Variants in TMEM260 observed in about 807,000 individuals in gnomAD.
The protein encoded by TMEM260 is transmembrane protein 260, also known as protein O-mannosyl-transferase TMEM260.
TMEM260 carries 82 observed loss-of-function variants against 88.9 expected under a neutral mutation model. That is an observed-to-expected ratio of 0.92 (90% CI 0.77 to 1.11). The LOEUF (loss-of-function observed/expected upper bound fraction) is 1.11. TMEM260 is among the 50% of genes least tolerant of loss of function. The pLI is 0.00. For missense variants in TMEM260, 902 were observed against 853.4 expected (o/e 1.06, Z -0.71); for synonymous variants, 314 against 309.3 (o/e 1.02, Z -0.16).
At chr14:56,580,602 A>T (rs1056300382) in intron 1 of TMEM260, among the ~76,000 whole-genome samples, 1 of 152,080 alleles carries the variant, frequency 6.6e-6, no homozygotes, top group Non-Finnish European at 1.5e-5. Context: ...TTCAGGAAAG[A>T]CCTCTGAAGA....
chr14:56,649,067 A>G lies in TMEM260; in HGVS notation c.*1570A>G, dbSNP rs751427693. 1 of 152,714 alleles carries G rather than the reference A, an allele frequency of 6.5e-6. No homozygotes were observed. The highest frequency in any genetic ancestry group is 1.5e-5 in the Non-Finnish European group (1 of 68,090). 9.5% of individuals were successfully genotyped at this position (152,714 alleles called of 1,614,324 possible). On this transcript the variant is annotated 3_prime_UTR_variant, in exon 16 of 16. Coordinates refer to ENST00000261556, the MANE Select transcript of TMEM260 (RefSeq NM_017799.4). Reference sequence around the variant, plus strand: ...TTTGAAGATGTCCATTGGAGCCTGCAGTGCCTGGACAGGGTTCAGAGCGGA... The same window carrying G: ...TTTGAAGATGTCCATTGGAGCCTGCGGTGCCTGGACAGGGTTCAGAGCGGA...
chr14:56,613,910 A>AAAAAAAAAAAAAAAAAAAAAAAAT (rs1465604052), intron 7 of TMEM260: 12 of 144,408 alleles, frequency 8.3e-5, no homozygotes, highest in Admixed American at 6.4e-4. Context: ...AAAAAAAAAA[A>AAAAAAAAAAAAAAAAAAAAAAAAT]TTTTTTTTTT....
At chr14:56,640,694 C>A (rs1298482521) in intron 15 of TMEM260, among the ~76,000 whole-genome samples, 5 of 152,008 alleles carry the variant, frequency 3.3e-5, no homozygotes, top group Admixed American at 1.3e-4. Context: ...TCAAACTACT[C>A]CAAGCTAAAG....
At position 56,641,723 on chromosome 14, in the gene TMEM260, A is replaced by G. The variant is rs577214916; in HGVS notation, c.1869+5125A>G. 1.0e-3 allele frequency among the ~76,000 whole-genome samples: 156 copies of G among 152,354 alleles called. 1 individual carries two copies. Among genetic ancestry groups the G allele is most frequent in the Middle Eastern group, 6.8e-3 (2 of 294 alleles). On this transcript the variant is annotated intron_variant, in intron 15 of 15. Coordinates refer to ENST00000261556, the MANE Select transcript of TMEM260 (RefSeq NM_017799.4). ...CCAATTAAAAGACACAGACTGGCAA[A>G]TTGGATAAAGAGTCAAGACCCATCA...
intron 3 of TMEM260, among the ~76,000 whole-genome samples, chr14:56,592,241 A>G (rs965518697): frequency 6.6e-6 from 1 of 152,232 alleles, no homozygotes; most frequent in Non-Finnish European, 1.5e-5. Context: ...CAAATTCATT[A>G]AAGATGGAAA....
intron 12 of TMEM260, among the ~76,000 whole-genome samples, chr14:56,630,316 AC>A (rs1888506918): frequency 6.6e-6 from 1 of 152,152 alleles, no homozygotes. Flanking sequence ...AATTTTTCAT[AC>A]ATTATGTCTT....
In TMEM260 at chr14:56,585,007, T is replaced by C; in HGVS notation, c.167T>C (p.Leu56Pro). Residue 56 changes from leucine (L) to proline (P), a missense_variant, in exon 2 of 16, where the codon CTG (leucine) becomes CCG (proline). By Grantham distance (98) the Leu-to-Pro change is moderately conservative (BLOSUM62 -3). Coordinates refer to ENST00000261556, the MANE Select transcript of TMEM260 (RefSeq NM_017799.4). ...TTACATTATTTTTTCACAGGGGAAC[T>C]GATCACAGCCGCACATGAGCTTGGA... ...PSVPGGDSGE[L>P]ITAAHELGVA... 6.2e-7 allele frequency: 1 copy of C among 1,612,216 alleles called. No homozygotes were observed. The highest frequency in any genetic ancestry group is 8.5e-7 in the Non-Finnish European group (1 of 1,178,998).
At chr14:56,651,071 A>C (rs756718466), downstream of TMEM260, among the ~76,000 whole-genome samples, 4 of 152,220 alleles carry the variant, frequency 2.6e-5, no homozygotes, top group Admixed American at 2.6e-4. Context: ...TCACAAACAA[A>C]TAAGTAATGT....
At chr14:56,596,425 T>TATATATATATAC (rs1490067903) in intron 3 of TMEM260, among the ~76,000 whole-genome samples, 7 of 135,638 alleles carry the variant, frequency 5.2e-5, no homozygotes, top group African/African-American at 2.0e-4. Context: ...TATATATATA[T>TATATATATATAC]ACATACACAC....
intron 14 of TMEM260, 146 bp from the exon 15 acceptor site, chr14:56,636,362 A>G (rs1031011912): frequency 9.1e-6 from 6 of 657,818 alleles, no homozygotes; most frequent in Non-Finnish European, 1.6e-5. Flanking sequence ...TTCAGAGCAA[A>G]TGTCCATGAA....
intron 15 of TMEM260, among the ~76,000 whole-genome samples, chr14:56,642,328 C>T (rs1418065483): frequency 1.3e-5 from 2 of 152,122 alleles, no homozygotes; most frequent in African/African-American, 4.8e-5. Flanking sequence ...ACAGTGCAAT[C>T]AAACTAGAAC....
intron 15 of TMEM260, chr14:56,638,114 G>C (rs1889258865): frequency 6.9e-6 from 1 of 144,322 alleles, no homozygotes; most frequent in Admixed American, 6.9e-5. Flanking sequence ...AAGAGAGGGA[G>C]GGGAGAGCAG....
intron 15 of TMEM260, among the ~76,000 whole-genome samples, chr14:56,639,581 G>C (rs564804555): frequency 2.0e-5 from 3 of 152,202 alleles, no homozygotes; most frequent in Non-Finnish European, 4.4e-5. Context: ...CAACGCAGAA[G>C]ACGGGTGATT....
intron 1 of TMEM260, 107 bp from the exon 2 acceptor site, chr14:56,584,894 C>A: frequency 2.4e-6 from 2 of 822,872 alleles, no homozygotes; most frequent in Non-Finnish European, 4.0e-6. Context: ...ACAGTTTTAT[C>A]CAGTCAAATT....
chr14:56,641,801 A>G (rs900398797), intron 15 of TMEM260, among the ~76,000 whole-genome samples: 5 of 152,248 alleles, frequency 3.3e-5, no homozygotes, highest in African/African-American at 9.6e-5. Flanking sequence ...CATAGGCTCA[A>G]AATAAAGGGT....
intron 7 of TMEM260, 93 bp from the exon 8 acceptor site, chr14:56,615,851 A>G (rs1329676596): frequency 3.7e-5 from 32 of 864,658 alleles, no homozygotes; most frequent in Non-Finnish European, 2.6e-5. Flanking sequence ...GTGATTGTTC[A>G]GTATATAATC....
downstream of TMEM260, chr14:56,650,651 G>GTT (rs1890189131): frequency 6.6e-6 from 1 of 152,208 alleles, no homozygotes; most frequent in Admixed American, 6.5e-5. Flanking sequence ...GAATCATAAT[G>GTT]TTTAGCCTTT....
At chr14:56,591,335 A>T (rs574817082) in intron 3 of TMEM260, among the ~76,000 whole-genome samples, 1 of 152,254 alleles carries the variant, frequency 6.6e-6, no homozygotes, top group South Asian at 2.1e-4. Flanking sequence ...ATAACTTTGC[A>T]TAAGACTACT....
intron 12 of TMEM260, among the ~76,000 whole-genome samples, chr14:56,630,162 G>A (rs1888495830): frequency 6.6e-6 from 1 of 151,766 alleles, no homozygotes; most frequent in Non-Finnish European, 1.5e-5. Context: ...GTTTTTCTCT[G>A]GCCATTTTCA....
Sources: gnomAD v4.1 joint callset for allele counts (sites outside exome capture counted in the v4.1 genomes callset) on GRCh38, gnomAD v4.1.1 for gene constraint, MANE v1.5 for transcripts, NCBI Gene and HGNC (gene_info 2026-07-23, HGNC 2026-07-21) for gene names.